Variants in CLVS1 observed in about 807,000 individuals in gnomAD.
CLVS1 encodes the protein clavesin 1, also known as clavesin-1.
Under a neutral mutation model 33.1 loss-of-function variants are expected in CLVS1, and 10 were observed. That is an observed-to-expected ratio of 0.30 (90% CI 0.19 to 0.51). CLVS1 has a LOEUF of 0.51. Ranked by LOEUF, CLVS1 falls within the 20% of genes least tolerant of loss-of-function variation. The pLI is 0.97. For missense variants in CLVS1, 343 were observed against 433.4 expected (o/e 0.79, Z 1.85); for synonymous variants, 163 against 166.1 (o/e 0.98, Z 0.14).
intron 3 of CLVS1, among the ~76,000 whole-genome samples, chr8:61,396,175 G>A (rs781090981): frequency 1.7e-3 from 255 of 152,188 alleles, no homozygotes; most frequent in Non-Finnish European, 3.0e-3. Context: ...TTTGCCAGAG[G>A]ACAAAACAGT....
chr8:61,002,546 C>G, the CLVS1 span, among the ~76,000 whole-genome samples: 2 of 151,882 alleles, frequency 1.3e-5, no homozygotes, highest in Non-Finnish European at 2.9e-5. Flanking sequence ...GTTGGCCAGG[C>G]TGATCTTGAA....
intron 3 of CLVS1, among the ~76,000 whole-genome samples, chr8:61,446,627 T>G (rs991664875): frequency 6.6e-6 from 1 of 152,146 alleles, no homozygotes; most frequent in Non-Finnish European, 1.5e-5. Flanking sequence ...ATTAATCCAT[T>G]GGTCTACAAA....
chr8:61,266,415 TC>T (rs1343825441), intron 2 of CLVS1, among the ~76,000 whole-genome samples: 1 of 151,920 alleles, frequency 6.6e-6, no homozygotes, highest in East Asian at 1.9e-4. Flanking sequence ...ATCCTTTTCT[TC>T]CCCCAGGCCA....
the CLVS1 span, among the ~76,000 whole-genome samples, chr8:61,038,735 A>G: frequency 1.1e-4 from 17 of 152,126 alleles, no homozygotes; most frequent in Non-Finnish European, 8.8e-5. Context: ...GTGTCTTCTC[A>G]GGCCTGTTCA....
intron 1 of CLVS1, among the ~76,000 whole-genome samples, chr8:61,111,909 G>A (rs1366769053): frequency 6.6e-6 from 1 of 152,060 alleles, no homozygotes; most frequent in Admixed American, 6.6e-5. Context: ...TTTTCCAGAA[G>A]ATCTCTCCAA....
In CLVS1 at chr8:61,499,678, T is replaced by C; in HGVS notation, c.*136T>C. 3.7e-6 allele frequency: 2 copies of C among 540,230 alleles called. No individual in the cohort carries two copies. Among genetic ancestry groups the C allele is most frequent in the Non-Finnish European group, 6.7e-6 (2 of 300,428 alleles). 33.5% of individuals were successfully genotyped at this position (540,230 alleles called of 1,614,324 possible). ...GTCCTCCACTCCTGAACCCCTGCAG[T>C]GACTGTCACCAGCCATCGGTCTGAG... is the stretch of plus-strand genomic sequence containing the variant. On this transcript the variant is annotated 3_prime_UTR_variant, in exon 6 of 6. Transcript: ENST00000325897.
At chr8:61,296,227 G>A (rs1248079130) in intron 1 of CLVS1, among the ~76,000 whole-genome samples, 4 of 152,142 alleles carry the variant, frequency 2.6e-5, no homozygotes, top group Non-Finnish European at 4.4e-5. Flanking sequence ...GAAACCCAGT[G>A]ACCCTGGCTT....
At chr8:60,966,973 T>C in the CLVS1 span, among the ~76,000 whole-genome samples, 2 of 152,170 alleles carry the variant, frequency 1.3e-5, no homozygotes, top group Admixed American at 6.5e-5. Flanking sequence ...TAACATGCCA[T>C]GAACTGAAGA....
intron 3 of CLVS1, among the ~76,000 whole-genome samples, chr8:61,446,786 C>T (rs1390671449): frequency 1.3e-5 from 2 of 151,346 alleles, no homozygotes; most frequent in Admixed American, 1.3e-4. Flanking sequence ...GCTTTACTTT[C>T]ATTTTCATTC....
chr8:61,422,095 A>AT lies in CLVS1; in HGVS notation c.631-32033dup, dbSNP rs36039456. ...GAGTGTGATTCCTTTTGCCAGGTTG[A>AT]TTTTTTTTTTTTTGAAGAACATTTT... On this transcript the variant is annotated intron_variant, in intron 3 of 5. Transcript: ENST00000325897. Among the ~76,000 whole-genome samples the AT allele has an allele frequency of 3.0e-3, 443 of 146,184 alleles. 1 individual carries two copies. Among genetic ancestry groups the AT allele is most frequent in the African/African-American group, 3.4e-3 (138 of 40,186 alleles).
intron 5 of CLVS1, among the ~76,000 whole-genome samples, chr8:61,493,120 T>C (rs546020811): frequency 6.3e-4 from 96 of 152,350 alleles, no homozygotes; most frequent in African/African-American, 2.2e-3. Context: ...AGATATTAAG[T>C]AAGGTAATAA....
intron 2 of CLVS1, among the ~76,000 whole-genome samples, chr8:61,371,125 C>T (rs559128875): frequency 4.1e-4 from 63 of 152,206 alleles, no homozygotes; most frequent in African/African-American, 1.2e-3. Flanking sequence ...AGTGTAAAAG[C>T]GTTCCCTTTT....
chr8:61,432,718 A>C (rs1816159877), intron 3 of CLVS1, among the ~76,000 whole-genome samples: 1 of 152,218 alleles, frequency 6.6e-6, no homozygotes, highest in South Asian at 2.1e-4. Context: ...ATATAACAAA[A>C]ATCTTATACT....
At chr8:61,129,132 A>G (rs1485172720) in intron 1 of CLVS1, among the ~76,000 whole-genome samples, 3 of 152,270 alleles carry the variant, frequency 2.0e-5, no homozygotes, top group African/African-American at 7.2e-5. Flanking sequence ...GGTACACCAC[A>G]GTCGCACAAA....
chr8:61,198,936 T>C (rs965542855), intron 2 of CLVS1, among the ~76,000 whole-genome samples: 1 of 152,240 alleles, frequency 6.6e-6, no homozygotes, highest in Non-Finnish European at 1.5e-5. Flanking sequence ...CTGTGATGTA[T>C]ATGTACTACA....
In CLVS1 at chr8:61,154,583, G is replaced by C. The variant is rs566399375; in HGVS notation, c.-152+22723G>C. 8.5e-5 allele frequency among the ~76,000 whole-genome samples: 13 copies of C among 152,310 alleles called. No homozygotes were observed. In the South Asian group the frequency reaches 2.7e-3, roughly 32 times the overall value. On this transcript the variant is annotated intron_variant, in intron 2 of 2. Transcript: ENST00000522621. ...GCCACGGACTTGAGAATGCATCTTAGTTAGGAGCCAACAGTGAAGTCTGAC... is the reference window on the plus strand; with the variant it reads ...GCCACGGACTTGAGAATGCATCTTACTTAGGAGCCAACAGTGAAGTCTGAC...
At chr8:61,035,609 T>G in the CLVS1 span, among the ~76,000 whole-genome samples, 7 of 152,196 alleles carry the variant, frequency 4.6e-5, no homozygotes, top group African/African-American at 1.7e-4. Flanking sequence ...CTCTGTTTAG[T>G]GTAATCTAAA....
chr8:61,057,386 A>T (rs1323551491), intron 1 of CLVS1, among the ~76,000 whole-genome samples: 4 of 150,498 alleles, frequency 2.7e-5, no homozygotes, highest in Non-Finnish European at 5.9e-5. Flanking sequence ...ACACACACAC[A>T]CACACACACA....
chr8:61,076,143 TC>T (rs1463493103), intron 1 of CLVS1, among the ~76,000 whole-genome samples: 1 of 152,206 alleles, frequency 6.6e-6, no homozygotes, highest in Non-Finnish European at 1.5e-5. Context: ...ATGTCTTTCT[TC>T]TTTCATTTAT....
Sources: allele counts gnomAD v4.1 joint callset (sites outside exome capture counted in the v4.1 genomes callset), GRCh38; gene constraint gnomAD v4.1.1; transcripts MANE v1.5; gene names NCBI Gene and HGNC (gene_info 2026-07-23, HGNC 2026-07-21).